The following SORBS2 variants were observed in gnomAD, a reference collection of about 807,000 sequenced individuals.
SORBS2 encodes the protein sorbin and SH3 domain containing 2.
In SORBS2, 46 loss-of-function variants were observed where a neutral mutation model predicts 97.7. That is an observed-to-expected ratio of 0.47 (90% confidence interval 0.37 to 0.60). The LOEUF (loss-of-function observed/expected upper bound fraction) is 0.60, where lower values mean the gene tolerates loss of function less well. Among genes scored for constraint, SORBS2 ranks in the 20% least tolerant of loss-of-function variants. SORBS2 has a pLI of 0.00. For synonymous variants in SORBS2, 476 were observed against 473.4 expected (o/e 1.01, Z -0.07); for missense variants, 1,316 against 1,282.3 (o/e 1.03, Z -0.40).
intron 2 of SORBS2, among the ~76,000 whole-genome samples, chr4:185,700,417 C>T (rs1398924273): frequency 6.6e-6 from 1 of 152,004 alleles, no homozygotes; most frequent in African/African-American, 2.4e-5. Context: ...CAGGTGACTA[C>T]CAGCAGCAAC....
intron 1 of SORBS2, among the ~76,000 whole-genome samples, chr4:185,802,589 C>G (rs967064901): frequency 2.0e-5 from 3 of 152,076 alleles, no homozygotes; most frequent in African/African-American, 2.4e-5. Context: ...AATGGGACAA[C>G]AGTCTTCAAG....
intron 4 of SORBS2, among the ~76,000 whole-genome samples, chr4:185,677,864 A>G (rs148258008): frequency 4.0e-4 from 61 of 152,304 alleles, no homozygotes; most frequent in African/African-American, 1.5e-3. Flanking sequence ...TGGGGAAAAA[A>G]GTGTTGCCAG....
intron 4 of SORBS2, among the ~76,000 whole-genome samples, chr4:185,636,232 A>G (rs370575586): frequency 2.6e-4 from 40 of 152,212 alleles, no homozygotes; most frequent in African/African-American, 9.2e-4. Flanking sequence ...CCTTGAAATA[A>G]AATACATTTA....
intron 1 of SORBS2, among the ~76,000 whole-genome samples, chr4:185,803,732 G>A (rs538098089): frequency 1.2e-4 from 18 of 152,100 alleles, no homozygotes; most frequent in Non-Finnish European, 2.5e-4. Flanking sequence ...TAAATCTATG[G>A]TGGAAAGGAA....
intron 2 of SORBS2, among the ~76,000 whole-genome samples, chr4:185,708,287 T>C (rs1566350): frequency 0.86 from 130,547 of 152,252 alleles, 56,250 homozygotes; most frequent in South Asian, 0.91. Context: ...TGTCACTACA[T>C]AATAACTCAC....
At chr4:185,634,739 C>T (rs2096965835) in intron 4 of SORBS2, among the ~76,000 whole-genome samples, 1 of 151,994 alleles carries the variant, frequency 6.6e-6, no homozygotes, top group African/African-American at 2.4e-5. Context: ...AAACGCATTT[C>T]ATTTTATATG....
intron 1 of SORBS2, among the ~76,000 whole-genome samples, chr4:185,836,803 A>G (rs935617515): frequency 1.3e-5 from 2 of 152,220 alleles, no homozygotes; most frequent in Non-Finnish European, 2.9e-5. Flanking sequence ...TTAACACTTA[A>G]AAGTGTAGAG....
At chr4:185,877,762 T>A in intron 1 of SORBS2, among the ~76,000 whole-genome samples, 1 of 150,138 alleles carries the variant, frequency 6.7e-6, no homozygotes. Flanking sequence ...CCCAGCTACT[T>A]GGGTGGCTGA....
At chr4:185,939,494 T>C (rs577706772) in intron 1 of SORBS2, among the ~76,000 whole-genome samples, 6 of 152,272 alleles carry the variant, frequency 3.9e-5, no homozygotes, top group Middle Eastern at 3.4e-3. Flanking sequence ...CAAAGAGGTA[T>C]CTGCACTTCC....
At position 185,864,616 on chromosome 4, in the gene SORBS2, T is replaced by C. The variant is rs111398012; in HGVS notation, c.-337-89250A>G. On this transcript the variant is annotated intron_variant, in intron 1 of 20. Coordinates refer to the SORBS2 transcript ENST00000284776. ...GAGAAAACGCCTTGGTAAGAGCAAATAGATCACTGAACGGCCGGGTGCGGT... is the reference window on the plus strand; with the variant it reads ...GAGAAAACGCCTTGGTAAGAGCAAACAGATCACTGAACGGCCGGGTGCGGT... 1.6e-4 allele frequency among the ~76,000 whole-genome samples: 24 copies of C among 152,146 alleles called. 3 individuals carry two copies. The highest frequency in any genetic ancestry group is 5.3e-4 in the African/African-American group (22 of 41,530).
At chr4:185,777,881 T>C (rs892436068) in intron 1 of SORBS2, among the ~76,000 whole-genome samples, 1 of 152,222 alleles carries the variant, frequency 6.6e-6, no homozygotes, top group Non-Finnish European at 1.5e-5. Flanking sequence ...ACTTTACCAC[T>C]ATGCAGTCCA....
In SORBS2 at chr4:185,663,848, CTTTTTT is replaced by C. The variant is rs56177449; in HGVS notation, c.-45-1612_-45-1607del. Among the ~76,000 whole-genome samples the C allele has an allele frequency of 3.6e-3, 288 of 80,980 alleles. 3 individuals carry two copies. The highest frequency in any genetic ancestry group is 0.013 in the African/African-American group (277 of 21,570). 53.1% of individuals were successfully genotyped at this position (80,980 alleles called of 152,430 possible). A position where few individuals can be genotyped will look rare whatever the true frequency, so the allele number is the denominator to read the frequency against. On this transcript the variant is annotated intron_variant, in intron 4 of 20. Transcript: ENST00000284776. ...AGTAAACACTGAGAGTAGATTTATTCTTTTTTTTTTTTTTTTTTTTTTTTGAGATGG... is the reference window on the plus strand; with the variant it reads ...AGTAAACACTGAGAGTAGATTTATTCTTTTTTTTTTTTTTTTTTGAGATGG...
In SORBS2 at chr4:185,640,679, C is replaced by A. The variant is rs116761657; in HGVS notation, c.396+5989G>T. 5.6e-3 allele frequency among the ~76,000 whole-genome samples: 851 copies of A among 152,088 alleles called. 6 individuals are homozygous for A. The highest frequency in any genetic ancestry group is 0.02 in the African/African-American group (818 of 41,508). ...TAGTATTAATTGAGATTTTAATGTC[C>A]ATAAAATACTATTTTTCTCCAATTA... On this transcript the variant is annotated intron_variant, in intron 4 of 14. Transcript: ENST00000418609.
chr4:185,845,561 T>C lies in SORBS2; in HGVS notation c.-337-70195A>G, dbSNP rs143055501. On this transcript the variant is annotated intron_variant, in intron 1 of 20. Transcript: ENST00000284776. ...ATTGCACAAGCCATAAAAGGAAAAA[T>C]TAACACACTGGACTTGATCACAGTT... is the stretch of plus-strand genomic sequence containing the variant. 5.2e-3 allele frequency among the ~76,000 whole-genome samples: 789 copies of C among 152,000 alleles called. 8 individuals are homozygous for C. The highest frequency in any genetic ancestry group is 0.018 in the African/African-American group (748 of 41,434).
chr4:185,953,611 T>G (rs903683992), intron 1 of SORBS2, among the ~76,000 whole-genome samples: 1 of 152,188 alleles, frequency 6.6e-6, no homozygotes, highest in African/African-American at 2.4e-5. Context: ...AGCTGAAAGA[T>G]GAAAGAGACT....
Position 185,844,396 on chromosome 4 carries a change from C to T in SORBS2, c.-337-69030G>A, listed in dbSNP as rs1360783978. ...GTCACCAGTGAAATGCAAAACACAC[C>T]CACAATAAGAGAGCACTTCACACCC... On this transcript the variant is annotated intron_variant, in intron 1 of 20. Coordinates refer to the SORBS2 transcript ENST00000284776. 2.0e-5 allele frequency among the ~76,000 whole-genome samples: 3 copies of T among 152,098 alleles called. No homozygotes were observed. In the East Asian group the frequency reaches 5.8e-4, roughly 29 times the overall value.
chr4:185,868,636 C>T (rs1348378513), intron 1 of SORBS2, among the ~76,000 whole-genome samples: 2 of 152,070 alleles, frequency 1.3e-5, no homozygotes, highest in Non-Finnish European at 2.9e-5. Flanking sequence ...GTTTTTTGTG[C>T]CACCACCGGT....
At chr4:185,830,989 C>G (rs181731057) in intron 1 of SORBS2, among the ~76,000 whole-genome samples, 3 of 152,256 alleles carry the variant, frequency 2.0e-5, no homozygotes, top group Non-Finnish European at 4.4e-5. Flanking sequence ...TAGACCTGCT[C>G]TTTATAACTC....
intron 3 of SORBS2, among the ~76,000 whole-genome samples, chr4:185,648,845 C>T (rs980778350): frequency 6.6e-6 from 1 of 152,104 alleles, no homozygotes; most frequent in Non-Finnish European, 1.5e-5. Flanking sequence ...AAGCACTTAG[C>T]CTAGTGCTTG....
Sources: allele counts gnomAD v4.1 joint callset (sites outside exome capture counted in the v4.1 genomes callset), GRCh38; gene constraint gnomAD v4.1.1; transcripts MANE v1.5; gene names NCBI Gene and HGNC (gene_info 2026-07-23, HGNC 2026-07-21).